Variants in PPP1R12A observed in about 807,000 individuals in gnomAD.
PPP1R12A encodes the protein protein phosphatase 1 regulatory subunit 12A.
Under a neutral mutation model 139.6 loss-of-function variants are expected in PPP1R12A, and 19 were observed. The observed-to-expected ratio is 0.14, with a 90% CI of 0.09 to 0.20. The LOEUF (loss-of-function observed/expected upper bound fraction) is 0.20. Among genes scored for constraint, PPP1R12A ranks in the 10% least tolerant of loss-of-function variants. The pLI, the probability that PPP1R12A is intolerant of heterozygous loss-of-function variation, is 1.00. For synonymous variants in PPP1R12A, 427 were observed against 420.6 expected (o/e 1.02, Z -0.19); for missense variants, 925 against 1,211.5 (o/e 0.76, Z 3.51).
chr12:79,858,725 G>C (rs1880969123), intron 2 of PPP1R12A, among the ~76,000 whole-genome samples: 1 of 152,154 alleles, frequency 6.6e-6, no homozygotes, highest in Non-Finnish European at 1.5e-5. Context: ...CCAGCAAATA[G>C]ATGGAAAGGC....
At chr12:79,798,919 TA>T (rs1474707860) in intron 14 of PPP1R12A, among the ~76,000 whole-genome samples, 5 of 152,098 alleles carry the variant, frequency 3.3e-5, no homozygotes, top group Admixed American at 1.3e-4. Context: ...TTGAAAAAAA[TA>T]GAAGGATTTC....
intron 18 of PPP1R12A, among the ~76,000 whole-genome samples, chr12:79,794,347 A>G (rs1210034917): frequency 6.6e-6 from 1 of 152,044 alleles, no homozygotes; most frequent in Non-Finnish European, 1.5e-5. Flanking sequence ...TATTTTGTCC[A>G]CAGCATGGAC....
At chr12:79,798,645 T>G (rs1565745045) in intron 14 of PPP1R12A, 61 bp from the exon 15 acceptor site, 1 of 888,694 alleles carries the variant, frequency 1.1e-6, no homozygotes, top group Non-Finnish European at 1.7e-6. Flanking sequence ...TGTAAATATC[T>G]ATCAATGCAT....
chr12:79,901,544 A>C (rs1885643456), intron 1 of PPP1R12A, among the ~76,000 whole-genome samples: 1 of 152,178 alleles, frequency 6.6e-6, no homozygotes, highest in Admixed American at 6.5e-5. Context: ...AAAAGTGCAC[A>C]GCTTCCTTAA....
chr12:79,871,637 C>T (rs1450935744), intron 2 of PPP1R12A, among the ~76,000 whole-genome samples: 4 of 152,042 alleles, frequency 2.6e-5, no homozygotes, highest in Admixed American at 6.5e-5. Context: ...TATTCCATAT[C>T]AATTAACTCC....
At chr12:79,895,828 C>T (rs973655205) in intron 1 of PPP1R12A, among the ~76,000 whole-genome samples, 2 of 152,002 alleles carry the variant, frequency 1.3e-5, no homozygotes, top group Admixed American at 6.6e-5. Context: ...TGACTAATAC[C>T]GAGCCTTATT....
Position 79,776,047 on chromosome 12 carries a change from A to G in PPP1R12A, c.3007-32T>C, listed in dbSNP as rs73349335. The stretch of plus-strand genomic sequence containing the variant: ...AGAGAAAAATTGAAGATCAAGTTTT[A>G]CCTTCAATATTAAAAGATAAAACAT... On this transcript the variant is annotated intron_variant, in intron 24 of 24. Coordinates refer to ENST00000450142, the MANE Select transcript of PPP1R12A (RefSeq NM_002480.3). 4.1e-4 allele frequency: 512 copies of G among 1,254,978 alleles called. 3 individuals carry two copies. In the African/African-American group the frequency reaches 7.3e-3, roughly 18 times the overall value. The allele number at this position is 1,254,978 out of a possible 1,614,324, so 77.7% of individuals were successfully genotyped here.
rs751357890 is a variant in PPP1R12A, at chr12:79,807,160, C to G, written c.1655+66G>C. The G allele has an allele frequency of 1.0e-4, 90 of 884,994 alleles. 3 individuals are homozygous for G. The Middle Eastern group carries it at 9.9e-3, about 97-fold the overall frequency. 54.8% of individuals were successfully genotyped at this position (884,994 alleles called of 1,614,324 possible). ...TTAAAATGATGTTAAACTGAGGGCTCCAAACAAATTGCCTCATATTTTTAT... is the reference window on the plus strand; with the variant it reads ...TTAAAATGATGTTAAACTGAGGGCTGCAAACAAATTGCCTCATATTTTTAT... On this transcript the variant is annotated intron_variant, in intron 12 of 24. Transcript: ENST00000450142.
chr12:79,912,048 C>G (rs1886613494), intron 1 of PPP1R12A, among the ~76,000 whole-genome samples: 1 of 152,136 alleles, frequency 6.6e-6, no homozygotes, highest in Non-Finnish European at 1.5e-5. Flanking sequence ...TCACACTGGC[C>G]TTCTAGTTCC....
intron 8 of PPP1R12A, among the ~76,000 whole-genome samples, chr12:79,820,074 A>G (rs1161955506): frequency 6.6e-6 from 1 of 152,166 alleles, no homozygotes; most frequent in Non-Finnish European, 1.5e-5. Context: ...TATATGTTAC[A>G]TATGAATACA....
At chr12:79,789,778 C>T (rs1871585169) in intron 20 of PPP1R12A, 1 of 314,964 alleles carries the variant, frequency 3.2e-6, no homozygotes, top group Non-Finnish European at 6.0e-6. Context: ...TTAGGTGACA[C>T]TTTTTTTTTT....
chr12:79,878,695 G>A (rs1042782415), intron 1 of PPP1R12A, among the ~76,000 whole-genome samples: 4 of 152,022 alleles, frequency 2.6e-5, no homozygotes, highest in African/African-American at 4.8e-5. Context: ...AAGGAGAAGC[G>A]CCGAGCAAAA....
Position 79,901,684 on chromosome 12 carries a change from C to A in PPP1R12A, c.238-28746G>T, listed in dbSNP as rs539222296. Among the ~76,000 whole-genome samples, 40 of 152,302 alleles carry A rather than the reference C, an allele frequency of 2.6e-4. No homozygotes were observed. The East Asian group carries it at 7.5e-3, about 29-fold the overall frequency. On this transcript the variant is annotated intron_variant, in intron 1 of 24. Transcript: ENST00000450142. ...AAAGAGAAGTTACTCAATATTTTAA[C>A]TTAATTGCTCAACAATTATTTACTG...
rs1451852020 is a variant in PPP1R12A, at chr12:79,820,922, C to T, written c.966G>A (p.Thr322=). The part of the protein sequence containing the change: ...QSQKTFKNKE[T]LIIEPEKNAS... ...CATTTTTCTCTGGTTCAATAATCAA[C>T]GTCTCTTTGCTGTTAAAGGAAAACA... Residue 322 remains threonine, a synonymous_variant, in exon 8 of 25, where the codon ACG becomes ACA. Transcript: ENST00000450142. The T allele has an allele frequency of 8.7e-6, 14 of 1,612,992 alleles. No homozygotes were observed. The highest frequency in any genetic ancestry group is 3.3e-5 in the South Asian group (3 of 91,056).
chr12:79,851,886 T>C (rs1880087439), intron 2 of PPP1R12A, among the ~76,000 whole-genome samples: 1 of 152,220 alleles, frequency 6.6e-6, no homozygotes. Flanking sequence ...CATTCTTCTA[T>C]TTCCTCCATT....
rs187243453 is a variant in PPP1R12A at position 79,882,206 on chromosome 12, A to C, written c.238-9268T>G. 1.4e-3 allele frequency among the ~76,000 whole-genome samples: 209 copies of C among 152,360 alleles called. 1 individual carries two copies. The highest frequency in any genetic ancestry group is 4.9e-3 in the African/African-American group (202 of 41,578). On this transcript the variant is annotated intron_variant, in intron 1 of 24. Transcript: ENST00000450142. ...TTTTGTAATGCTATAGTTAGTTGCC[A>C]CAGATAGTGATTCCTCTGATGGATC...
chr12:79,783,333 G>A (rs1870711717), intron 22 of PPP1R12A, among the ~76,000 whole-genome samples: 1 of 151,286 alleles, frequency 6.6e-6, no homozygotes, highest in Non-Finnish European at 1.5e-5. Flanking sequence ...AACAGGTGTG[G>A]TGGCATTGCC....
At chr12:79,870,269 G>GT (rs1245660157) in intron 2 of PPP1R12A, among the ~76,000 whole-genome samples, 1 of 151,950 alleles carries the variant, frequency 6.6e-6, no homozygotes, top group South Asian at 2.1e-4. Context: ...ACACATCATT[G>GT]TAACTGGCTA....
At chr12:79,910,178 C>T (rs1210663662) in intron 1 of PPP1R12A, among the ~76,000 whole-genome samples, 1 of 151,916 alleles carries the variant, frequency 6.6e-6, no homozygotes. Context: ...ACTACAATAT[C>T]TAATTAAAAT....
Sources: allele counts gnomAD v4.1 joint callset (sites outside exome capture counted in the v4.1 genomes callset), GRCh38; gene constraint gnomAD v4.1.1; transcripts MANE v1.5; gene names NCBI Gene and HGNC (gene_info 2026-07-23, HGNC 2026-07-21).